Variants in MED12L observed in about 807,000 individuals in gnomAD.
The protein encoded by MED12L is mediator complex subunit 12L.
A neutral mutation model predicts 281.3 loss-of-function variants in MED12L; 60 were observed. The ratio of observed to expected loss-of-function variants is 0.21; its 90% confidence interval spans 0.17 to 0.26. MED12L has a LOEUF of 0.26. Among genes scored for constraint, MED12L ranks in the 10% least tolerant of loss-of-function variants. The pLI, the probability that MED12L is intolerant of heterozygous loss-of-function variation, is 1.00. For synonymous variants in MED12L, 974 were observed against 987.2 expected (o/e 0.99, Z 0.25); for missense variants, 2,146 against 2,680.9 (o/e 0.80, Z 4.41).
chr3:151,376,969 G>A (rs767433914), intron 29 of MED12L, 22 bp from the exon 30 acceptor site: 3 of 1,612,374 alleles, frequency 1.9e-6, no homozygotes, highest in East Asian at 2.2e-5. Context: ...ATATGTGCCA[G>A]TATTCTTATA....
At chr3:151,288,116 A>G (rs1428403877) in intron 16 of MED12L, among the ~76,000 whole-genome samples, 1 of 152,230 alleles carries the variant, frequency 6.6e-6, no homozygotes, top group Non-Finnish European at 1.5e-5. Flanking sequence ...TTCTCAATGT[A>G]GGCATTACTG....
At chr3:151,200,271 G>A (rs964784089) in intron 16 of MED12L, among the ~76,000 whole-genome samples, 5 of 152,094 alleles carry the variant, frequency 3.3e-5, no homozygotes, top group African/African-American at 1.2e-4. Flanking sequence ...AACTGATAGG[G>A]CTCCCTTTGA....
rs370035984 is a variant in MED12L, at chr3:151,251,382, A to AT, written c.2250+57727dup. On this transcript the variant is annotated intron_variant, in intron 16 of 44. Transcript: ENST00000687756. ...GCCAGTCAATCTCCAAAGCCTGGTGATTTTTTTTTTTATGCTTAAATATTT... is the reference window on the plus strand; with the variant it reads ...GCCAGTCAATCTCCAAAGCCTGGTGATTTTTTTTTTTTATGCTTAAATATTT... 7.3e-3 allele frequency among the ~76,000 whole-genome samples: 1,076 copies of AT among 147,958 alleles called. 7 individuals carry two copies. Among genetic ancestry groups the AT allele is most frequent in the South Asian group, 0.015 (70 of 4,698 alleles).
intron 16 of MED12L, chr3:151,328,294 T>C: frequency 1.9e-6 from 3 of 1,613,988 alleles, no homozygotes; most frequent in Non-Finnish European, 2.5e-6. Flanking sequence ...ATACTTTGCC[T>C]TCCAGCTTTT....
At chr3:151,304,891 T>G (rs1347516106) in intron 16 of MED12L, among the ~76,000 whole-genome samples, 3 of 152,200 alleles carry the variant, frequency 2.0e-5, no homozygotes, top group African/African-American at 7.2e-5. Context: ...GTTGAATTTA[T>G]TTAGCACTTC....
intron 2 of MED12L, among the ~76,000 whole-genome samples, 158 bp downstream of exon 2, chr3:151,087,183 C>G (rs1001104072): frequency 2.0e-5 from 3 of 152,206 alleles, no homozygotes; most frequent in Non-Finnish European, 4.4e-5. Context: ...GGCGACCCCC[C>G]GGCGGCGGAG....
At chr3:151,432,694 T>C in intron 44 of MED12L, 58 bp from the exon 45 acceptor site, 1 of 1,259,320 alleles carries the variant, frequency 7.9e-7, no homozygotes, top group Non-Finnish European at 1.2e-6. Flanking sequence ...GAGGGTAGCA[T>C]CCATCTGTGC....
At chr3:151,282,445 C>G (rs191665796) in intron 16 of MED12L, among the ~76,000 whole-genome samples, 2 of 151,504 alleles carry the variant, frequency 1.3e-5, no homozygotes, top group African/African-American at 4.8e-5. Flanking sequence ...GCATGGCTGC[C>G]GAAAGGATTC....
At chr3:151,292,840 G>A (rs1744453978) in intron 16 of MED12L, among the ~76,000 whole-genome samples, 1 of 152,172 alleles carries the variant, frequency 6.6e-6, no homozygotes, top group African/African-American at 2.4e-5. Flanking sequence ...GTGACTTTCT[G>A]GGGAAAGTGG....
At chr3:151,411,212 T>C (rs1277440425) in intron 40 of MED12L, 66 bp from the exon 41 acceptor site, 1 of 1,400,286 alleles carries the variant, frequency 7.1e-7, no homozygotes, top group African/African-American at 1.4e-5. Flanking sequence ...GCCCCATATA[T>C]CGTAGTGATG....
chr3:151,198,868 T>C, intron 16 of MED12L: 1 of 1,614,094 alleles, frequency 6.2e-7, no homozygotes. Context: ...GCCAATTTCT[T>C]CCAAATTCCT....
intron 36 of MED12L, 105 bp from the exon 37 acceptor site, chr3:151,387,705 C>G: frequency 7.2e-7 from 1 of 1,388,670 alleles, no homozygotes; most frequent in East Asian, 2.3e-5. Flanking sequence ...TTCTCTAGGG[C>G]TCATGCCAGC....
chr3:151,232,775 G>A (rs985634428), intron 16 of MED12L, among the ~76,000 whole-genome samples: 1 of 152,118 alleles, frequency 6.6e-6, no homozygotes, highest in African/African-American at 2.4e-5. Flanking sequence ...AGACACTGAG[G>A]CTTACTTGAG....
intron 16 of MED12L, chr3:151,213,225 A>G (rs1406256390): frequency 8.9e-6 from 10 of 1,124,764 alleles, no homozygotes; most frequent in Middle Eastern, 2.0e-4. Context: ...GAGGGCACAT[A>G]TCTTATTGAT....
At chr3:151,376,275 G>GAGGAAGTAACTCTTT in intron 28 of MED12L, 61 bp downstream of exon 28, 1 of 1,246,820 alleles carries the variant, frequency 8.0e-7, no homozygotes, top group Non-Finnish European at 1.1e-6. Flanking sequence ...AATAAAAAGA[G>GAGGAAGTAACTCTTT]TTACTTCCTC....
intron 16 of MED12L, among the ~76,000 whole-genome samples, chr3:151,304,303 C>T (rs1396725502): frequency 2.6e-5 from 4 of 152,180 alleles, no homozygotes; most frequent in Admixed American, 6.5e-5. Flanking sequence ...TGGCCAGGCA[C>T]GGTGGCTCAT....
chr3:151,222,938 C>A (rs1490433693), intron 16 of MED12L, among the ~76,000 whole-genome samples: 2 of 152,108 alleles, frequency 1.3e-5, no homozygotes, highest in Non-Finnish European at 2.9e-5. Flanking sequence ...ATCTTCCCAT[C>A]TTTATGGTCT....
At chr3:151,120,384 C>T (rs927159053) in intron 3 of MED12L, among the ~76,000 whole-genome samples, 1 of 152,124 alleles carries the variant, frequency 6.6e-6, no homozygotes, top group East Asian at 1.9e-4. Context: ...GAAGCCTAGC[C>T]TAAAGCTCCA....
At chr3:151,207,002 A>G (rs1231126870) in intron 16 of MED12L, among the ~76,000 whole-genome samples, 1 of 151,288 alleles carries the variant, frequency 6.6e-6, no homozygotes. Context: ...GTTACTTTCC[A>G]GGAGAATGTT....
Sources: allele counts gnomAD v4.1 joint callset (sites outside exome capture counted in the v4.1 genomes callset), GRCh38; gene constraint gnomAD v4.1.1; transcripts MANE v1.5; gene names NCBI Gene and HGNC (gene_info 2026-07-23, HGNC 2026-07-21).